Variants in RBFOX3 observed in about 807,000 individuals in gnomAD.
The protein encoded by RBFOX3 is RNA binding fox-1 homolog 3.
RBFOX3 carries 17 observed loss-of-function variants against 48.7 expected under a neutral mutation model. The ratio of observed to expected loss-of-function variants is 0.35; its 90% confidence interval spans 0.24 to 0.52. RBFOX3 has a LOEUF of 0.52. RBFOX3 is among the 20% of genes least tolerant of loss of function. The pLI is 0.94. For missense variants in RBFOX3, 382 were observed against 497.5 expected (o/e 0.77, Z 2.21); for synonymous variants, 212 against 209.5 (o/e 1.01, Z -0.10).
chr17:79,629,270 C>T, the RBFOX3 span, among the ~76,000 whole-genome samples: 1 of 152,200 alleles, frequency 6.6e-6, no homozygotes. Flanking sequence ...CAGCCATCTT[C>T]ACCTCCCAGG....
At chr17:79,315,753 C>A (rs554404542) in intron 2 of RBFOX3, among the ~76,000 whole-genome samples, 1 of 152,336 alleles carries the variant, frequency 6.6e-6, no homozygotes, top group South Asian at 2.1e-4. Context: ...GTGCCGCCAC[C>A]CTGGGGGTCT....
At chr17:79,432,615 C>T (rs535130570) in intron 2 of RBFOX3, among the ~76,000 whole-genome samples, 2 of 152,262 alleles carry the variant, frequency 1.3e-5, no homozygotes, top group African/African-American at 2.4e-5. Context: ...ATTATTCTTC[C>T]GTCCTTCTCA....
At chr17:79,498,146 C>T (rs1452047444) in intron 1 of RBFOX3, among the ~76,000 whole-genome samples, 2 of 152,186 alleles carry the variant, frequency 1.3e-5, no homozygotes, top group Non-Finnish European at 2.9e-5. Context: ...AGAGAGAAGG[C>T]CTTGCTATGT....
intron 1 of RBFOX3, among the ~76,000 whole-genome samples, chr17:79,501,232 T>C (rs915024252): frequency 6.6e-6 from 1 of 152,190 alleles, no homozygotes; most frequent in Non-Finnish European, 1.5e-5. Context: ...GGTTGAGCAA[T>C]ACGCTCCAGC....
At chr17:79,458,286 G>T (rs1488284924) in intron 2 of RBFOX3, among the ~76,000 whole-genome samples, 1 of 152,224 alleles carries the variant, frequency 6.6e-6, no homozygotes, top group Non-Finnish European at 1.5e-5. Flanking sequence ...AATAATTACG[G>T]ATTCACTAGA....
At position 79,477,928 on chromosome 17, in the gene RBFOX3, C is replaced by T. The variant is rs1433815138; in HGVS notation, c.-175+4526G>A. ...GAGAGACCCCAGCAACGTCCTTCAG[C>T]TGGGCACCGCCTGTTCCACCCAGGA... On this transcript the variant is annotated intron_variant, in intron 2 of 14. Coordinates refer to ENST00000693108, the MANE Select transcript of RBFOX3 (RefSeq NM_001350451.2). This position sits in a 1 kb window ranked among gnomAD's most constrained non-coding sequence, Gnocchi z 4.8. 6.6e-6 allele frequency among the ~76,000 whole-genome samples: 1 copy of T among 152,298 alleles called. No homozygotes were observed. Among genetic ancestry groups the T allele is most frequent in the Non-Finnish European group, 1.5e-5 (1 of 68,034 alleles).
chr17:79,371,345 C>T (rs531780659), intron 2 of RBFOX3, among the ~76,000 whole-genome samples: 1 of 152,326 alleles, frequency 6.6e-6, no homozygotes, highest in Non-Finnish European at 1.5e-5. Flanking sequence ...GGAAGCTTTG[C>T]CCGTGGCCAG....
At chr17:79,290,018 C>A (rs1330135296) in intron 3 of RBFOX3, among the ~76,000 whole-genome samples, 3 of 152,110 alleles carry the variant, frequency 2.0e-5, no homozygotes, top group African/African-American at 7.2e-5. Context: ...AGGGTTCAGA[C>A]AGAAGGTGGA....
At chr17:79,092,143 G>A (rs777690430) in intron 14 of RBFOX3, 66 of 985,350 alleles carry the variant, frequency 6.7e-5, no homozygotes, top group Non-Finnish European at 7.7e-5. Flanking sequence ...GGGGCTGGTC[G>A]GGTGGCTTTG....
At chr17:79,101,481 G>T in intron 9 of RBFOX3, 103 bp downstream of exon 9, 1 of 1,057,040 alleles carries the variant, frequency 9.5e-7, no homozygotes, top group Non-Finnish European at 1.4e-6. Context: ...GACGGAGGCT[G>T]CCTAGGATCC....
At chr17:79,372,247 C>T (rs1321940229) in intron 2 of RBFOX3, among the ~76,000 whole-genome samples, 1 of 151,886 alleles carries the variant, frequency 6.6e-6, no homozygotes, top group Non-Finnish European at 1.5e-5. Context: ...TATGGCCTCC[C>T]CATACTATCC....
intron 3 of RBFOX3, among the ~76,000 whole-genome samples, chr17:79,238,451 A>G (rs1215992276): frequency 2.6e-5 from 4 of 152,158 alleles, no homozygotes; most frequent in Admixed American, 1.3e-4. Flanking sequence ...TAAGCCAAAG[A>G]TTCAGGGCTT....
chr17:79,587,825 G>C (rs1318265214), intron 1 of RBFOX3, among the ~76,000 whole-genome samples: 3 of 152,168 alleles, frequency 2.0e-5, no homozygotes, highest in African/African-American at 7.2e-5. Context: ...TACTTCACGG[G>C]AGGACGGAAC....
chr17:79,638,820 G>A, the RBFOX3 span, among the ~76,000 whole-genome samples: 10 of 152,168 alleles, frequency 6.6e-5, no homozygotes, highest in African/African-American at 2.4e-4. Flanking sequence ...GCACAAGCCA[G>A]CTCCCCTTCA....
At position 79,106,748 on chromosome 17, in the gene RBFOX3, T is replaced by A. The variant is rs747660044; in HGVS notation, c.263A>T (p.His88Leu). 5 of 1,523,194 alleles carry A rather than the reference T, an allele frequency of 3.3e-6. No homozygotes were observed. In the South Asian group the frequency reaches 5.0e-5, roughly 15 times the overall value. 94.4% of individuals were successfully genotyped at this position (1,523,194 alleles called of 1,614,324 possible). A position where few individuals can be genotyped will look rare whatever the true frequency, so the allele number is the denominator to read the frequency against. ...CTGCTTCTCTGTAGGGTCGGAGGGGTGGAGCGGCTGGCTGTCCGTCTGTGC... is the reference window on the plus strand; with the variant it reads ...CTGCTTCTCTGTAGGGTCGGAGGGGAGGAGCGGCTGGCTGTCCGTCTGTGC... The part of the protein sequence containing the change: ...EAAQTDSQPL[H>L]PSDPTEKQQP... The change falls in exon 6 of 15, where the codon CAC becomes CTC. Residue 88 changes from histidine to leucine, a missense_variant. Physicochemically the swap from His to Leu is moderately conservative, Grantham distance 99. This residue lies in a region of RBFOX3 where 118 missense variants were observed against 132.1 expected (regional missense o/e 0.89). Transcript: ENST00000693108.
chr17:79,288,484 C>CA (rs1290986381), intron 3 of RBFOX3, among the ~76,000 whole-genome samples: 2 of 151,992 alleles, frequency 1.3e-5, no homozygotes, highest in Admixed American at 1.3e-4. Context: ...GCAGCCCCCC[C>CA]CAGCCCGGCT....
At chr17:79,388,592 C>T (rs546322689) in intron 2 of RBFOX3, among the ~76,000 whole-genome samples, 120 of 152,316 alleles carry the variant, frequency 7.9e-4, no homozygotes, top group East Asian at 3.7e-3. Context: ...TGGCTCTGAG[C>T]GCCCCTGCTC....
At chr17:79,266,051 CG>C (rs2066646860) in intron 3 of RBFOX3, among the ~76,000 whole-genome samples, 1 of 152,242 alleles carries the variant, frequency 6.6e-6, no homozygotes, top group African/African-American at 2.4e-5. Flanking sequence ...TCACCCGGAC[CG>C]GGCAGGTGAG....
chr17:79,537,271 C>T (rs2088964678), intron 1 of RBFOX3, among the ~76,000 whole-genome samples: 2 of 152,210 alleles, frequency 1.3e-5, no homozygotes, highest in South Asian at 2.1e-4. Flanking sequence ...GCTCAGTGCA[C>T]TTGACTTGTT....
Sources: allele counts gnomAD v4.1 joint callset (sites outside exome capture counted in the v4.1 genomes callset), GRCh38; gene constraint gnomAD v4.1.1; regional missense constraint gnomAD v4.1.1; non-coding constraint Gnocchi (gnomAD v3.1); transcripts MANE v1.5; gene names NCBI Gene and HGNC (gene_info 2026-07-23, HGNC 2026-07-21).